The following NUP58 variants were observed in gnomAD, a reference collection of about 807,000 sequenced individuals.
The protein encoded by NUP58 is nucleoporin p58/p45.
A neutral mutation model predicts 70.1 loss-of-function variants in NUP58; 17 were observed. That is an observed-to-expected ratio of 0.24 (90% CI 0.17 to 0.36). NUP58 has a LOEUF of 0.36. Ranked by LOEUF, NUP58 falls within the 10% of genes least tolerant of loss-of-function variation. The pLI is 1.00. For synonymous variants in NUP58, 275 were observed against 257.6 expected, an observed-to-expected ratio of 1.07 and a Z score of -0.65; for missense variants, 644 against 701.5, an observed-to-expected ratio of 0.92 and a Z score of 0.93.
At chr13:25,314,545 A>G (rs1299569100) in intron 5 of NUP58, among the ~76,000 whole-genome samples, 2 of 152,082 alleles carry the variant, frequency 1.3e-5, no homozygotes, top group East Asian at 1.9e-4. Flanking sequence ...AAAATACAAA[A>G]TTAGCTGGGC....
At chr13:25,305,702 G>C (rs2030315263) in intron 1 of NUP58, among the ~76,000 whole-genome samples, 1 of 152,066 alleles carries the variant, frequency 6.6e-6, no homozygotes, top group Non-Finnish European at 1.5e-5. Flanking sequence ...CTTTGCCATC[G>C]TTTGGTACTT....
intron 13 of NUP58, chr13:25,333,148 T>G: frequency 1.0e-6 from 1 of 985,190 alleles, no homozygotes; most frequent in Non-Finnish European, 1.2e-6. Context: ...GTGTTTAACT[T>G]TCTTATCTAT....
At chr13:25,314,145 C>T (rs1296059319) in intron 5 of NUP58, among the ~76,000 whole-genome samples, 4 of 152,110 alleles carry the variant, frequency 2.6e-5, no homozygotes, top group African/African-American at 9.7e-5. Context: ...GTTGGCCAAG[C>T]TGGTCTCAAA....
intron 1 of NUP58, among the ~76,000 whole-genome samples, chr13:25,305,730 T>C (rs1288384654): frequency 2.6e-5 from 4 of 152,320 alleles, no homozygotes; most frequent in South Asian, 4.1e-4. Context: ...ATCTTACTTA[T>C]AGTAATTCTA....
chr13:25,342,907 C>G (rs1427244087), downstream of NUP58, among the ~76,000 whole-genome samples: 1 of 152,042 alleles, frequency 6.6e-6, no homozygotes, highest in African/African-American at 2.4e-5. Flanking sequence ...AGTATATCAT[C>G]AGCATCTTTC....
At chr13:25,336,017 T>G (rs953543652) in intron 13 of NUP58, 24 of 1,151,300 alleles carry the variant, frequency 2.1e-5, no homozygotes, top group Non-Finnish European at 2.6e-5. Context: ...CTAGTAAGTT[T>G]GATGCTATTC....
chr13:25,332,389 G>A, intron 13 of NUP58: 1 of 985,254 alleles, frequency 1.0e-6, no homozygotes, highest in Non-Finnish European at 1.2e-6. Flanking sequence ...CCTTTTGTCA[G>A]GTTTGAAGCT....
At chr13:25,335,599 G>C in intron 13 of NUP58, 1 of 982,252 alleles carries the variant, frequency 1.0e-6, no homozygotes, top group East Asian at 1.1e-4. Context: ...TTTTTTAATA[G>C]TAGTATAAGA....
chr13:25,330,983 T>C (rs987578038), intron 12 of NUP58, among the ~76,000 whole-genome samples: 4 of 152,154 alleles, frequency 2.6e-5, no homozygotes, highest in Non-Finnish European at 4.4e-5. Flanking sequence ...GGTTGGACAT[T>C]TGAGGGGAAA....
chr13:25,304,478 T>TATATATA (rs1433159616), intron 1 of NUP58, among the ~76,000 whole-genome samples: 48 of 83,426 alleles, frequency 5.8e-4, no homozygotes, highest in Non-Finnish European at 8.5e-4. Context: ...GTTGTCAAGA[T>TATATATA]TATATATATA....
At chr13:25,309,582 A>G (rs554539785) in intron 3 of NUP58, among the ~76,000 whole-genome samples, 2 of 152,196 alleles carry the variant, frequency 1.3e-5, no homozygotes, top group Non-Finnish European at 2.9e-5. Context: ...AGTGGAAAAA[A>G]CACCAAACTT....
At chr13:25,310,784 T>C (rs966171743) in intron 3 of NUP58, among the ~76,000 whole-genome samples, 1 of 152,192 alleles carries the variant, frequency 6.6e-6, no homozygotes, top group African/African-American at 2.4e-5. Flanking sequence ...CTCTCAGTGA[T>C]TTCAGGTTAA....
At chr13:25,334,334 G>A in intron 13 of NUP58, 1 of 985,286 alleles carries the variant, frequency 1.0e-6, no homozygotes, top group Non-Finnish European at 1.2e-6. Flanking sequence ...ATTGTGTTTT[G>A]ACACTTTAAG....
intron 9 of NUP58, among the ~76,000 whole-genome samples, chr13:25,321,496 A>G (rs1216520721): frequency 6.6e-6 from 1 of 152,224 alleles, no homozygotes; most frequent in African/African-American, 2.4e-5. Context: ...AAATTGGCCT[A>G]TTATATAAGA....
chr13:25,343,860 TACAC>T (rs1016327956), downstream of NUP58, among the ~76,000 whole-genome samples: 12 of 134,412 alleles, frequency 8.9e-5, no homozygotes, highest in South Asian at 7.7e-4. Flanking sequence ...CACACATACA[TACAC>T]ACACACACCC....
chr13:25,323,422 GGAA>G lies in NUP58; in HGVS notation c.952-1560_952-1558del, dbSNP rs2031268924. On this transcript the variant is annotated intron_variant, in intron 9 of 15. Coordinates refer to ENST00000381736, the MANE Select transcript of NUP58 (RefSeq NM_014089.4). Reference sequence around the variant, plus strand: ...TATTTCATGCTCACCAGGTCAAAGGGGAAGAAGAAAAAGAGAAAAAAAAATAAA... The same window carrying G: ...TATTTCATGCTCACCAGGTCAAAGGGGAAGAAAAAGAGAAAAAAAAATAAA... 2.0e-5 allele frequency among the ~76,000 whole-genome samples: 3 copies of G among 151,224 alleles called. No individual in the cohort carries two copies. In the East Asian group the frequency reaches 5.8e-4, roughly 29 times the overall value.
intron 9 of NUP58, among the ~76,000 whole-genome samples, chr13:25,321,980 TG>T (rs1041030886): frequency 6.6e-6 from 1 of 152,210 alleles, no homozygotes; most frequent in Non-Finnish European, 1.5e-5. Flanking sequence ...AATGTCTACT[TG>T]TTTTTCCTCC....
intron 12 of NUP58, among the ~76,000 whole-genome samples, chr13:25,329,214 C>T (rs1234613468): frequency 6.6e-6 from 1 of 152,066 alleles, no homozygotes; most frequent in Non-Finnish European, 1.5e-5. Context: ...TTCAAATATA[C>T]ACAAAAGTAG....
rs186660040 is a variant in NUP58 at position 25,302,784 on chromosome 13, A to C, written c.107+904A>C. 568 of 362,790 alleles carry C rather than the reference A, an allele frequency of 1.6e-3. 2 individuals carry two copies. The highest frequency in any genetic ancestry group is 0.011 in the African/African-American group (521 of 46,956). 22.5% of individuals were successfully genotyped at this position (362,790 alleles called of 1,614,324 possible). ...CTTAAGCATGACCTGCAGTTTAAAAAGGGAGGGAGGAGGAACCACGGACTA... is the reference window on the plus strand; with the variant it reads ...CTTAAGCATGACCTGCAGTTTAAAACGGGAGGGAGGAGGAACCACGGACTA... On this transcript the variant is annotated intron_variant, in intron 1 of 15. Transcript: ENST00000381736.
Sources: allele counts gnomAD v4.1 joint callset (sites outside exome capture counted in the v4.1 genomes callset), GRCh38; gene constraint gnomAD v4.1.1; transcripts MANE v1.5; gene names NCBI Gene and HGNC (gene_info 2026-07-23, HGNC 2026-07-21).